Variants in ARAP2 observed in about 807,000 individuals in gnomAD.
The protein encoded by ARAP2 is ArfGAP with RhoGAP domain, ankyrin repeat and PH domain 2, also known as arf-GAP with Rho-GAP domain, ANK repeat and PH domain-containing protein 2.
Under a neutral mutation model 194.5 loss-of-function variants are expected in ARAP2, and 148 were observed. That is an observed-to-expected ratio of 0.76 (90% confidence interval 0.67 to 0.87). ARAP2 has a LOEUF of 0.87. Ranked by LOEUF, ARAP2 falls within the 40% of genes least tolerant of loss-of-function variation. ARAP2 has a pLI of 0.00. For missense variants in ARAP2, 2,128 were observed against 1,989.7 expected (o/e 1.07, Z -1.32); for synonymous variants, 695 against 683.5 (o/e 1.02, Z -0.26).
At chr4:36,241,735 T>C (rs896264907) in intron 1 of ARAP2, among the ~76,000 whole-genome samples, 3 of 152,208 alleles carry the variant, frequency 2.0e-5, no homozygotes, top group Non-Finnish European at 4.4e-5. Context: ...TAAATTGTAA[T>C]GGTGAGAAAA....
intron 15 of ARAP2, among the ~76,000 whole-genome samples, chr4:36,153,010 T>C (rs1329556703): frequency 6.6e-6 from 1 of 152,208 alleles, no homozygotes; most frequent in East Asian, 1.9e-4. Context: ...CAGTGCCAAA[T>C]GAATTAAGCA....
chr4:36,110,577 A>G (rs1719702596), intron 26 of ARAP2, among the ~76,000 whole-genome samples: 3 of 151,958 alleles, frequency 2.0e-5, no homozygotes, highest in Admixed American at 1.3e-4. Context: ...AAATAATAGC[A>G]TATTTTGGAT....
chr4:36,018,533 A>T (rs1716305555), intron 6 of ARAP2, among the ~76,000 whole-genome samples: 1 of 152,136 alleles, frequency 6.6e-6, no homozygotes, highest in Non-Finnish European at 1.5e-5. Context: ...ACATACCTCC[A>T]GAACTACATT....
intron 26 of ARAP2, among the ~76,000 whole-genome samples, chr4:36,109,240 T>C (rs1719215374): frequency 6.6e-6 from 1 of 151,932 alleles, no homozygotes; most frequent in Non-Finnish European, 1.5e-5. Flanking sequence ...CAATTCTGCA[T>C]TCTGTGCTTA....
At chr4:36,146,658 G>GCAAACAC (rs1729690853) in intron 19 of ARAP2, among the ~76,000 whole-genome samples, 1 of 152,024 alleles carries the variant, frequency 6.6e-6, no homozygotes, top group Admixed American at 6.6e-5. Flanking sequence ...TTCTTAGCTA[G>GCAAACAC]CAAACACGGA....
At chr4:36,237,288 ACTGGAC>A (rs1222189890) in intron 1 of ARAP2, among the ~76,000 whole-genome samples, 1 of 152,218 alleles carries the variant, frequency 6.6e-6, no homozygotes, top group East Asian at 1.9e-4. Flanking sequence ...TCCTTGGAAA[ACTGGAC>A]GTCTCCATAT....
At chr4:36,192,281 G>A (rs1485417103) in intron 7 of ARAP2, among the ~76,000 whole-genome samples, 1 of 143,798 alleles carries the variant, frequency 7.0e-6, no homozygotes, top group African/African-American at 2.6e-5. Context: ...TAAGCTAAAT[G>A]ATTTGCAATA....
At chr4:36,123,050 T>C (rs1035738569) in intron 22 of ARAP2, among the ~76,000 whole-genome samples, 14 of 151,936 alleles carry the variant, frequency 9.2e-5, no homozygotes, top group African/African-American at 3.4e-4. Context: ...AGTGCAATCA[T>C]CACACGTGAT....
At chr4:36,033,101 T>G (rs1370921687) in intron 5 of ARAP2, among the ~76,000 whole-genome samples, 1 of 152,206 alleles carries the variant, frequency 6.6e-6, no homozygotes, top group Non-Finnish European at 1.5e-5. Flanking sequence ...TGATTCTATA[T>G]CTTTGCTGTT....
In ARAP2 at chr4:36,177,955, A is replaced by T. The variant is rs1738356129; in HGVS notation, c.1729T>A (p.Ser577Thr). 1 of 1,613,064 alleles carries T rather than the reference A, an allele frequency of 6.2e-7. No homozygotes were observed. Among genetic ancestry groups the T allele is most frequent in the Non-Finnish European group, 8.5e-7 (1 of 1,179,554 alleles). ...ACAGCTTGAGACTGCGAGGTAAGGGATTGTGATTTCAGTGCATTTAATAGT... is the reference window on the plus strand; with the variant it reads ...ACAGCTTGAGACTGCGAGGTAAGGGTTTGTGATTTCAGTGCATTTAATAGT... ...SILLNALKSQ[S>T]LTSQSQAVVT... Residue 577 changes from serine (S) to threonine (T), a missense_variant, in exon 9 of 33, where the codon TCC becomes ACC. Transcript: ENST00000303965.
intron 19 of ARAP2, among the ~76,000 whole-genome samples, chr4:36,138,079 C>G (rs1727271155): frequency 6.6e-6 from 1 of 151,652 alleles, no homozygotes; most frequent in Admixed American, 6.6e-5. Flanking sequence ...TGGAAGATAG[C>G]TTTAGAAGGG....
At chr4:36,056,608 T>C (rs527425580) in intron 2 of ARAP2, among the ~76,000 whole-genome samples, 1 of 152,332 alleles carries the variant, frequency 6.6e-6, no homozygotes, top group South Asian at 2.1e-4. Context: ...TTGCTTTTAA[T>C]TGAAGTGCTT....
At chr4:36,048,385 T>C (rs1041899252) in intron 3 of ARAP2, among the ~76,000 whole-genome samples, 1 of 152,136 alleles carries the variant, frequency 6.6e-6, no homozygotes, top group African/African-American at 2.4e-5. Flanking sequence ...CCTCTAGTAG[T>C]CCACAGTGTC....
At chr4:36,207,571 T>C (rs1745834706) in intron 6 of ARAP2, among the ~76,000 whole-genome samples, 1 of 152,222 alleles carries the variant, frequency 6.6e-6, no homozygotes, top group African/African-American at 2.4e-5. Flanking sequence ...AATTGGCATT[T>C]CCATTTCAAA....
At chr4:36,167,839 T>C (rs1735642414) in intron 9 of ARAP2, among the ~76,000 whole-genome samples, 1 of 152,176 alleles carries the variant, frequency 6.6e-6, no homozygotes, top group African/African-American at 2.4e-5. Flanking sequence ...AAGTTTGCAA[T>C]ACATCATCTA....
In ARAP2 at chr4:36,229,060, C is replaced by T; in HGVS notation, c.427G>A (p.Asp143Asn). 6.2e-7 allele frequency: 1 copy of T among 1,614,062 alleles called. No homozygotes were observed. Residue 143 changes from aspartate to asparagine, a missense_variant, in exon 2 of 33, where the codon GAT (aspartate) becomes AAT (asparagine). Transcript: ENST00000303965. ...CGTTTAGGAGGAGACAGCTTATCAT[C>T]TGATTGAGGATACTGGCTTCTTTCC... is the stretch of plus-strand genomic sequence containing the variant. ...SVERSQYPQSDDKLSPPKRDF... is the reference protein window; with the variant it reads ...SVERSQYPQSNDKLSPPKRDF...
chr4:36,078,983 G>A (rs540904211), intron 31 of ARAP2, among the ~76,000 whole-genome samples: 1 of 152,010 alleles, frequency 6.6e-6, no homozygotes, highest in East Asian at 1.9e-4. Context: ...AGACCAACCT[G>A]CCCAACATGG....
chr4:36,133,127 T>C, intron 20 of ARAP2, 99 bp downstream of exon 20: 2 of 1,164,316 alleles, frequency 1.7e-6, no homozygotes, highest in Non-Finnish European at 2.4e-6. Flanking sequence ...CTTACAAATA[T>C]AAAGGGTTTT....
At chr4:36,225,143 T>C (rs998255596) in intron 2 of ARAP2, among the ~76,000 whole-genome samples, 1 of 152,142 alleles carries the variant, frequency 6.6e-6, no homozygotes, top group African/African-American at 2.4e-5. Flanking sequence ...TTTCTAACAG[T>C]TGTACTTCCA....
Sources: gnomAD v4.1 joint callset for allele counts (sites outside exome capture counted in the v4.1 genomes callset) on GRCh38, gnomAD v4.1.1 for gene constraint, MANE v1.5 for transcripts, NCBI Gene and HGNC (gene_info 2026-07-23, HGNC 2026-07-21) for gene names.